ZNF407: variants seen among roughly 807,000 people sequenced by gnomAD.
ZNF407 encodes zinc finger protein 407.
A neutral mutation model predicts 131.2 loss-of-function variants in ZNF407; 17 were observed. The observed-to-expected ratio is 0.13, with a 90% CI of 0.09 to 0.19. ZNF407 has a LOEUF of 0.19. ZNF407 is among the 10% of genes least tolerant of loss of function. ZNF407 has a pLI of 1.00. For missense variants in ZNF407, 2,681 were observed against 2,830.6 expected (o/e 0.95, Z 1.20); for synonymous variants, 1,156 against 1,062.0 (o/e 1.09, Z -1.72).
chr18:74,964,947 G>T (rs1162351257), intron 8 of ZNF407, among the ~76,000 whole-genome samples: 2 of 152,202 alleles, frequency 1.3e-5, no homozygotes, highest in African/African-American at 2.4e-5. Context: ...GCATTTTCGT[G>T]TGTATCTATA....
intron 7 of ZNF407, among the ~76,000 whole-genome samples, chr18:74,914,254 GC>G (rs1971715773): frequency 1.3e-5 from 2 of 152,330 alleles, no homozygotes; most frequent in Non-Finnish European, 2.9e-5. Context: ...TTCTTCCTCA[GC>G]GGAAAGCCTG....
In ZNF407 at chr18:74,899,938, CTG is replaced by C. The variant is rs1191235351; in HGVS notation, c.5249+9903_5249+9904del. 4.6e-5 allele frequency among the ~76,000 whole-genome samples: 7 copies of C among 152,362 alleles called. No homozygotes were observed. In the East Asian group the frequency reaches 1.3e-3, roughly 29 times the overall value. ...ACAGAAACTTTGCCTTGAGGCGGCT[CTG>C]TGAAAACACTGGGCCAGAGGGAAAG... On this transcript the variant is annotated intron_variant, in intron 7 of 8. Transcript: ENST00000299687.
intron 8 of ZNF407, among the ~76,000 whole-genome samples, chr18:75,032,541 G>A (rs1363830363): frequency 6.6e-6 from 1 of 152,152 alleles, no homozygotes; most frequent in Non-Finnish European, 1.5e-5. Context: ...GGTGTACAGT[G>A]CCCCAGCCTC....
intron 1 of ZNF407, among the ~76,000 whole-genome samples, chr18:74,608,355 C>CTTTTTTTTTTTT (rs375136326): frequency 1.3e-4 from 19 of 146,488 alleles, no homozygotes; most frequent in African/African-American, 2.5e-4. Flanking sequence ...TTTTAGATTT[C>CTTTTTTTTTTTT]TTTTTTTTTT....
chr18:74,693,373 C>T (rs549151529), intron 3 of ZNF407, among the ~76,000 whole-genome samples: 2 of 152,208 alleles, frequency 1.3e-5, no homozygotes, highest in East Asian at 1.9e-4. Context: ...TATTTCAAAA[C>T]GTTTTCTAAT....
chr18:74,842,221 T>C (rs1970643830), intron 4 of ZNF407, among the ~76,000 whole-genome samples: 1 of 152,182 alleles, frequency 6.6e-6, no homozygotes, highest in African/African-American at 2.4e-5. Context: ...TTAGCAAATG[T>C]GGTAGAAACG....
chr18:74,804,027 G>A (rs1416443296), intron 4 of ZNF407: 5 of 1,551,700 alleles, frequency 3.2e-6, no homozygotes, highest in East Asian at 4.9e-5. Context: ...GGAACGCGTC[G>A]AGTGCCTCTG....
chr18:74,852,007 A>G (rs987382161), intron 4 of ZNF407, among the ~76,000 whole-genome samples: 2 of 152,198 alleles, frequency 1.3e-5, no homozygotes, highest in African/African-American at 4.8e-5. Context: ...GCCGCATGGC[A>G]GTGGTTGGGT....
chr18:74,790,640 A>G (rs920131247), intron 4 of ZNF407, among the ~76,000 whole-genome samples: 6 of 152,176 alleles, frequency 3.9e-5, no homozygotes. Flanking sequence ...TTTAACTCCC[A>G]GTCATTGCCA....
At chr18:75,012,934 A>G (rs115947904) in intron 8 of ZNF407, among the ~76,000 whole-genome samples, 207 of 133,096 alleles carry the variant, frequency 1.6e-3, no homozygotes, top group African/African-American at 5.4e-3. Flanking sequence ...TACTAATGAT[A>G]GAAAGGGTCC....
chr18:74,615,894 A>G (rs1983265886), intron 1 of ZNF407, among the ~76,000 whole-genome samples: 1 of 151,590 alleles, frequency 6.6e-6, no homozygotes, highest in Admixed American at 6.6e-5. Flanking sequence ...ATGGAGTTTC[A>G]TTCTTTTTGT....
At position 74,658,767 on chromosome 18, in the gene ZNF407, G is replaced by A. The variant is rs960412718; in HGVS notation, c.4802+17645G>A. 1.4e-4 allele frequency among the ~76,000 whole-genome samples: 21 copies of A among 152,076 alleles called. 1 individual carries two copies. Among genetic ancestry groups the A allele is most frequent in the African/African-American group, 5.1e-4 (21 of 41,428 alleles). ...TTAGGAGTGTCTGACTTGGGTTGAT[G>A]TTACGTGATTTTTTGCTTGGAGTGT... On this transcript the variant is annotated intron_variant, in intron 3 of 8. Coordinates refer to ENST00000299687, the MANE Select transcript of ZNF407 (RefSeq NM_017757.3).
At chr18:74,846,818 A>G (rs1213880742) in intron 4 of ZNF407, among the ~76,000 whole-genome samples, 1 of 151,818 alleles carries the variant, frequency 6.6e-6, no homozygotes, top group Non-Finnish European at 1.5e-5. Flanking sequence ...ATGGTGAAAC[A>G]CTGCCTTGAC....
rs113468438 is a variant in ZNF407 at position 74,696,203 on chromosome 18, A to G, written c.4802+55081A>G. Among the ~76,000 whole-genome samples, 205 of 152,352 alleles carry G rather than the reference A, an allele frequency of 1.3e-3. 4 individuals carry two copies. Among genetic ancestry groups the G allele is most frequent in the African/African-American group, 4.7e-3 (194 of 41,596 alleles). On this transcript the variant is annotated intron_variant, in intron 3 of 8. Transcript: ENST00000299687. ...TGGCTGTTGGAGTGGTGATGAGAAT[A>G]GAGCCCTTGACAGGGAGAGTGGAGC...
At chr18:74,619,620 T>C (rs1404752508) in intron 1 of ZNF407, among the ~76,000 whole-genome samples, 3 of 152,218 alleles carry the variant, frequency 2.0e-5, no homozygotes, top group African/African-American at 7.2e-5. Context: ...CTCTATCACA[T>C]GTCACCTCCC....
At chr18:74,994,717 TGCAAAAGACG>T (rs1399973037) in intron 8 of ZNF407, among the ~76,000 whole-genome samples, 1 of 151,996 alleles carries the variant, frequency 6.6e-6, no homozygotes, top group Non-Finnish European at 1.5e-5. Flanking sequence ...GGAAACCATA[TGCAAAAGACG>T]GCAGCGGCAC....
intron 3 of ZNF407, among the ~76,000 whole-genome samples, chr18:74,708,327 A>G (rs893999739): frequency 6.6e-6 from 1 of 152,204 alleles, no homozygotes; most frequent in Non-Finnish European, 1.5e-5. Context: ...TAGTCATTAC[A>G]TCATATCACA....
At chr18:74,737,531 C>T (rs186987715) in intron 3 of ZNF407, among the ~76,000 whole-genome samples, 1 of 152,236 alleles carries the variant, frequency 6.6e-6, no homozygotes, top group East Asian at 1.9e-4. Context: ...CCTTAGGTGT[C>T]TGCTATACTT....
At chr18:74,808,520 TG>T (rs775066746) in intron 4 of ZNF407, among the ~76,000 whole-genome samples, 1 of 152,216 alleles carries the variant, frequency 6.6e-6, no homozygotes, top group Non-Finnish European at 1.5e-5. Flanking sequence ...TTTCAATTTT[TG>T]TGTCTATGGA....
Sources: gnomAD v4.1 joint callset for allele counts (sites outside exome capture counted in the v4.1 genomes callset) on GRCh38, gnomAD v4.1.1 for gene constraint, MANE v1.5 for transcripts, NCBI Gene and HGNC (gene_info 2026-07-23, HGNC 2026-07-21) for gene names.